The following USH2A variants were observed in gnomAD, a reference collection of about 807,000 sequenced individuals.
USH2A encodes usherin.
USH2A carries 443 observed loss-of-function variants against 538.9 expected under a neutral mutation model. The ratio of observed to expected loss-of-function variants is 0.82; its 90% CI spans 0.76 to 0.89. The LOEUF (loss-of-function observed/expected upper bound fraction) is 0.89. Ranked by LOEUF, USH2A falls within the 40% of genes least tolerant of loss-of-function variation. The probability of loss-of-function intolerance (pLI) is 0.00; values close to 1 mark genes in which losing one functional copy is unlikely to be tolerated. For synonymous variants in USH2A, 2,413 were observed against 2,273.5 expected, an observed-to-expected ratio of 1.06 and a Z score of -1.75; for missense variants, 6,633 against 6,324.8, an observed-to-expected ratio of 1.05 and a Z score of -1.65.
intron 32 of USH2A, among the ~76,000 whole-genome samples, chr1:216,038,923 T>C (rs1244310143): frequency 6.6e-6 from 1 of 152,068 alleles, no homozygotes; most frequent in African/African-American, 2.4e-5. Flanking sequence ...CCTTTAAGCA[T>C]AGAATCTTTC....
At chr1:215,646,937 G>T (rs1238101466) in intron 67 of USH2A, among the ~76,000 whole-genome samples, 1 of 152,182 alleles carries the variant, frequency 6.6e-6, no homozygotes, top group African/African-American at 2.4e-5. Flanking sequence ...TGCCTATGGG[G>T]CAGAGTAGGT....
At chr1:215,745,682 C>T (rs377001258) in intron 58 of USH2A, among the ~76,000 whole-genome samples, 30 of 152,234 alleles carry the variant, frequency 2.0e-4, no homozygotes, top group African/African-American at 7.0e-4. Context: ...TAACTTGTTC[C>T]AGATTGCACA....
intron 64 of USH2A, among the ~76,000 whole-genome samples, chr1:215,653,394 A>G (rs1297415292): frequency 6.6e-6 from 1 of 152,108 alleles, no homozygotes; most frequent in Non-Finnish European, 1.5e-5. Context: ...ATAATACATT[A>G]CTCTTTTTCC....
In USH2A at chr1:215,838,084, T is replaced by C; in HGVS notation, c.9278A>G (p.Tyr3093Cys). The C allele has an allele frequency of 1.2e-6, 2 of 1,613,988 alleles. No homozygotes were observed. The highest frequency in any genetic ancestry group is 8.5e-7 in the Non-Finnish European group (1 of 1,179,892). ...YDIQVEVCTI[Y>C]ACVKSNGTQI... is the part of the protein sequence containing the mutation. ...GGTTCCATTGCTTTTCACGCAGGCA[T>C]ATATTGTGCAGACTTCAACCTGCAA... is the stretch of plus-strand genomic sequence containing the variant. The change falls in exon 47 of 72, where the codon TAT becomes TGT. Residue 3093 changes from tyrosine (Y) to cysteine (C), a missense_variant. Physicochemically the swap from Tyr to Cys is radical, Grantham distance 194. Coordinates refer to ENST00000307340, the MANE Select transcript of USH2A (RefSeq NM_206933.4).
At chr1:216,388,001 A>G (rs1017325242) in intron 3 of USH2A, among the ~76,000 whole-genome samples, 1 of 152,140 alleles carries the variant, frequency 6.6e-6, no homozygotes, top group Non-Finnish European at 1.5e-5. Flanking sequence ...TGTGTCACAC[A>G]ATAACTAGCT....
intron 61 of USH2A, among the ~76,000 whole-genome samples, chr1:215,716,559 A>G (rs1659494427): frequency 6.6e-6 from 1 of 152,246 alleles, no homozygotes; most frequent in South Asian, 2.1e-4. Flanking sequence ...TTTGTACGAT[A>G]AAATTCACTA....
intron 52 of USH2A, among the ~76,000 whole-genome samples, chr1:215,784,096 T>A (rs973226799): frequency 6.6e-6 from 1 of 152,178 alleles, no homozygotes; most frequent in African/African-American, 2.4e-5. Context: ...TTGCCTGTGA[T>A]GGCAACCATG....
chr1:216,318,380 T>G (rs1006294962), intron 9 of USH2A, among the ~76,000 whole-genome samples: 3 of 152,212 alleles, frequency 2.0e-5, no homozygotes, highest in Admixed American at 2.0e-4. Context: ...AGAATAGGTA[T>G]ATTTTCAAAT....
chr1:216,162,461 C>T (rs2034078701), intron 21 of USH2A, among the ~76,000 whole-genome samples: 3 of 151,966 alleles, frequency 2.0e-5, no homozygotes, highest in Admixed American at 2.0e-4. Flanking sequence ...CTTTGTCTGC[C>T]TCTATCGACT....
chr1:215,640,789 G>C (rs1656654606), intron 67 of USH2A, 55 bp from the exon 68 acceptor site: 1 of 1,551,540 alleles, frequency 6.4e-7, no homozygotes. Context: ...AAGGAGTGCA[G>C]GTGTGCACTT....
In USH2A at chr1:216,108,457, T is replaced by A. The variant is rs189699200; in HGVS notation, c.4628-11244A>T. ...TATACAATATGTGGCTATATTATAC[T>A]TATTCTACTTGGAATTCATTGAGCT... On this transcript the variant is annotated intron_variant, in intron 21 of 71. Coordinates refer to ENST00000307340, the MANE Select transcript of USH2A (RefSeq NM_206933.4). Among the ~76,000 whole-genome samples the A allele has an allele frequency of 2.8e-3, 421 of 152,036 alleles. 8 individuals carry two copies. The highest frequency in any genetic ancestry group is 1.9e-3 in the Non-Finnish European group (132 of 67,878).
intron 14 of USH2A, among the ~76,000 whole-genome samples, chr1:216,228,257 A>G (rs2035599882): frequency 6.6e-6 from 1 of 152,174 alleles, no homozygotes; most frequent in Non-Finnish European, 1.5e-5. Context: ...TGGGGAATGA[A>G]TGAAGAGGCC....
In USH2A at chr1:216,175,282, A is replaced by G; in HGVS notation, c.4597T>C (p.Ser1533Pro). ...IGNGYCKFPSSTHPVNTDFTG... is the reference protein window; with the variant it reads ...IGNGYCKFPSPTHPVNTDFTG... ...AAGTCTGTATTGACTGGGTGAGTGG[A>G]GCTGGGAAATTTACAATACCCATTT... The change falls in exon 21 of 72, where the codon TCC (serine) becomes CCC (proline). Residue 1533 changes from serine (S) to proline (P), a missense_variant. Coordinates refer to ENST00000307340, the MANE Select transcript of USH2A (RefSeq NM_206933.4). 6.2e-7 allele frequency: 1 copy of G among 1,613,760 alleles called. No individual in the cohort carries two copies. The highest frequency in any genetic ancestry group is 8.5e-7 in the Non-Finnish European group (1 of 1,179,848).
At chr1:215,898,595 A>AG (rs1487243765) in intron 40 of USH2A, among the ~76,000 whole-genome samples, 1 of 152,032 alleles carries the variant, frequency 6.6e-6, no homozygotes, top group Non-Finnish European at 1.5e-5. Context: ...CAAAAAAAAA[A>AG]TGCTTTCTCC....
At chr1:216,361,160 T>C (rs574503348) in intron 4 of USH2A, among the ~76,000 whole-genome samples, 2 of 152,186 alleles carry the variant, frequency 1.3e-5, no homozygotes, top group East Asian at 3.9e-4. Flanking sequence ...GGTAGAAACA[T>C]TGATTTGTTT....
chr1:216,080,991 T>C (rs2031923908), intron 26 of USH2A, among the ~76,000 whole-genome samples: 1 of 152,010 alleles, frequency 6.6e-6, no homozygotes, highest in Admixed American at 6.6e-5. Flanking sequence ...TTTCTACATC[T>C]AAAATATATT....
At chr1:216,020,642 C>G (rs7542582) in intron 32 of USH2A, among the ~76,000 whole-genome samples, 5,865 of 152,124 alleles carry the variant, frequency 0.039, 307 homozygotes, top group African/African-American at 0.13. Context: ...GGGCTGTTCC[C>G]CAGAAAGACC....
At chr1:216,336,290 A>G (rs1248579319) in intron 4 of USH2A, among the ~76,000 whole-genome samples, 1 of 151,390 alleles carries the variant, frequency 6.6e-6, no homozygotes, top group Non-Finnish European at 1.5e-5. Flanking sequence ...AAAAACCAAC[A>G]GCTAACATCA....
chr1:216,006,379 T>A (rs566283135), intron 32 of USH2A, among the ~76,000 whole-genome samples: 1 of 152,252 alleles, frequency 6.6e-6, no homozygotes, highest in Non-Finnish European at 1.5e-5. Flanking sequence ...AATAGTTTCA[T>A]TTCCCTCATC....
Sources: allele counts gnomAD v4.1 joint callset (sites outside exome capture counted in the v4.1 genomes callset), GRCh38; gene constraint gnomAD v4.1.1; transcripts MANE v1.5; gene names NCBI Gene and HGNC (gene_info 2026-07-23, HGNC 2026-07-21).